FAM168A: variants seen among roughly 807,000 people sequenced by gnomAD.
The protein encoded by FAM168A is protein FAM168A.
Under a neutral mutation model 28.5 loss-of-function variants are expected in FAM168A, and 3 were observed. That is an observed-to-expected ratio of 0.11 (90% confidence interval 0.05 to 0.27). FAM168A has a LOEUF of 0.27. FAM168A is among the 10% of genes least tolerant of loss of function. FAM168A has a pLI of 1.00. For synonymous variants in FAM168A, 122 were observed against 124.2 expected (o/e 0.98, Z 0.12); for missense variants, 222 against 311.5 (o/e 0.71, Z 2.16).
intron 1 of FAM168A, among the ~76,000 whole-genome samples, chr11:73,584,469 C>CTTT (rs1162075797): frequency 1.7e-4 from 22 of 128,274 alleles, no homozygotes; most frequent in East Asian, 2.2e-4. Flanking sequence ...GGCCCACTGA[C>CTTT]TTTTTTTTTT....
chr11:73,578,074 G>C (rs1401588831), intron 1 of FAM168A, among the ~76,000 whole-genome samples: 1 of 152,194 alleles, frequency 6.6e-6, no homozygotes, highest in Non-Finnish European at 1.5e-5. Flanking sequence ...TCCAGGGACT[G>C]AGGGCCTACT....
Position 73,427,077 on chromosome 11 carries a change from C to T in FAM168A, c.151+3613G>A, listed in dbSNP as rs530229151. Among the ~76,000 whole-genome samples, 25 of 152,118 alleles carry T rather than the reference C, an allele frequency of 1.6e-4. No homozygotes were observed. In the South Asian group the frequency reaches 3.5e-3, roughly 21 times the overall value. On this transcript the variant is annotated intron_variant, in intron 3 of 7. Transcript: ENST00000356467. Reference sequence around the variant, plus strand: ...CGCAATCTTGGCTCACTGCAACCTCCGCCTCCCGGGTTCAAGCAATTCTCC... The same window carrying T: ...CGCAATCTTGGCTCACTGCAACCTCTGCCTCCCGGGTTCAAGCAATTCTCC...
chr11:73,495,560 G>A (rs1196132694), intron 1 of FAM168A, among the ~76,000 whole-genome samples: 1 of 152,124 alleles, frequency 6.6e-6, no homozygotes, highest in Non-Finnish European at 1.5e-5. Flanking sequence ...ATGGATAGGG[G>A]TACTATTTAA....
intron 1 of FAM168A, among the ~76,000 whole-genome samples, chr11:73,585,864 T>C (rs907289718): frequency 4.0e-5 from 3 of 75,118 alleles, no homozygotes; most frequent in Non-Finnish European, 6.9e-5. Context: ...TAAGACTCCA[T>C]CTCAAACAAA....
chr11:73,555,770 G>A (rs1397821772), intron 1 of FAM168A, among the ~76,000 whole-genome samples: 1 of 151,866 alleles, frequency 6.6e-6, no homozygotes, highest in Non-Finnish European at 1.5e-5. Context: ...ACACACAGTT[G>A]ATACCTGGCC....
intron 2 of FAM168A, among the ~76,000 whole-genome samples, chr11:73,460,498 G>GTTT (rs1565255375): frequency 1.7e-4 from 23 of 136,056 alleles, no homozygotes; most frequent in African/African-American, 5.0e-4. Context: ...GGCTACTAAT[G>GTTT]CTTTTTTTTT....
intron 1 of FAM168A, among the ~76,000 whole-genome samples, chr11:73,566,377 C>A (rs972511786): frequency 6.6e-6 from 1 of 152,122 alleles, no homozygotes; most frequent in Admixed American, 6.5e-5. Context: ...TCTTTTATCC[C>A]TTGATGTAAT....
chr11:73,420,046 C>T (rs900224188), intron 3 of FAM168A, 47 bp from the exon 4 acceptor site: 1 of 1,603,574 alleles, frequency 6.2e-7, no homozygotes, highest in South Asian at 1.1e-5. Context: ...TAAGAAGTGG[C>T]CACCACCAAT....
chr11:73,553,452 AT>A lies in FAM168A; in HGVS notation c.-19+44470del, dbSNP rs1379737421. Among the ~76,000 whole-genome samples the A allele has an allele frequency of 4.6e-5, 7 of 152,316 alleles. No individual in the cohort carries two copies. The East Asian group carries it at 1.3e-3, about 29-fold the overall frequency. On this transcript the variant is annotated intron_variant, in intron 1 of 7. Coordinates refer to ENST00000356467, the MANE Select transcript of FAM168A (RefSeq NM_015159.3). ...ATCTGGCCTGAGCATAGAGAAAGCA[AT>A]TAAGTCTGACTAATAAGAGGATAAA...
chr11:73,565,027 T>C (rs1396082588), intron 1 of FAM168A, among the ~76,000 whole-genome samples: 2 of 152,120 alleles, frequency 1.3e-5, no homozygotes, highest in Non-Finnish European at 2.9e-5. Context: ...TTTCCACTAC[T>C]AGGGTGGAGA....
At chr11:73,454,924 T>C (rs796365502) in intron 2 of FAM168A, among the ~76,000 whole-genome samples, 4 of 152,330 alleles carry the variant, frequency 2.6e-5, no homozygotes, top group African/African-American at 9.6e-5. Flanking sequence ...CTACCTCATT[T>C]TTCCTGGATG....
intron 1 of FAM168A, among the ~76,000 whole-genome samples, chr11:73,484,058 A>G (rs1213216889): frequency 1.3e-5 from 2 of 152,198 alleles, no homozygotes; most frequent in South Asian, 2.1e-4. Flanking sequence ...TTGGTTCCCA[A>G]TGTACTTTCT....
chr11:73,461,154 T>A (rs1037665450), intron 2 of FAM168A, among the ~76,000 whole-genome samples: 8 of 152,090 alleles, frequency 5.3e-5, no homozygotes, highest in Non-Finnish European at 1.2e-4. Flanking sequence ...TCCACTCTTG[T>A]CACCCAGGCT....
chr11:73,588,873 T>C (rs1047753220), intron 1 of FAM168A, among the ~76,000 whole-genome samples: 9 of 152,180 alleles, frequency 5.9e-5, no homozygotes, highest in South Asian at 2.1e-4. Flanking sequence ...CATGATGGAA[T>C]GAGTGCCTTC....
At chr11:73,416,929 G>C (rs1275826916) in intron 4 of FAM168A, among the ~76,000 whole-genome samples, 1 of 151,988 alleles carries the variant, frequency 6.6e-6, no homozygotes, top group Non-Finnish European at 1.5e-5. Flanking sequence ...CTGAGTGACA[G>C]AGCAAGACCT....
chr11:73,443,896 A>C (rs889403261), intron 2 of FAM168A, among the ~76,000 whole-genome samples: 7 of 152,178 alleles, frequency 4.6e-5, no homozygotes, highest in African/African-American at 1.7e-4. Context: ...CCGGCTTGGA[A>C]GGTGAGCAGG....
chr11:73,571,299 G>A (rs1004147279), intron 1 of FAM168A, among the ~76,000 whole-genome samples: 3 of 133,698 alleles, frequency 2.2e-5, no homozygotes, highest in Admixed American at 8.5e-5. Flanking sequence ...ATGCCGAGCC[G>A]AAGCTGGACT....
intron 1 of FAM168A, among the ~76,000 whole-genome samples, chr11:73,550,202 T>C (rs1348312724): frequency 1.3e-5 from 2 of 152,060 alleles, no homozygotes; most frequent in African/African-American, 4.8e-5. Context: ...GAAACTTAAA[T>C]TGGAATAACA....
In FAM168A at chr11:73,468,427, G is replaced by A; in HGVS notation, c.48C>T (p.Asn16=). ...SPVQPGAPYG[N]PKNMAYTGYP... is the part of the protein sequence containing the mutation. ...CACCCGTGTAGGCCATGTTCTTAGG[G>A]TTGCCATAAGGAGCCCCAGGCTGCA... The change falls in exon 2 of 8, where the codon AAC becomes AAT. Residue 16 remains asparagine (N), a synonymous_variant. Coordinates refer to ENST00000356467, the MANE Select transcript of FAM168A (RefSeq NM_015159.3). The A allele has an allele frequency of 6.2e-7, 1 of 1,614,092 alleles. No homozygotes were observed. Among genetic ancestry groups the A allele is most frequent in the Middle Eastern group, 1.7e-4 (1 of 6,056 alleles).
Sources: gnomAD v4.1 joint callset for allele counts (sites outside exome capture counted in the v4.1 genomes callset) on GRCh38, gnomAD v4.1.1 for gene constraint, MANE v1.5 for transcripts, NCBI Gene and HGNC (gene_info 2026-07-23, HGNC 2026-07-21) for gene names.